Variants in MACROD2 observed in about 807,000 individuals in gnomAD.
MACROD2 encodes ADP-ribose glycohydrolase MACROD2.
A neutral mutation model predicts 70.4 loss-of-function variants in MACROD2; 36 were observed. The observed-to-expected ratio is 0.51, with a 90% CI of 0.39 to 0.68. The LOEUF is 0.68. Ranked by LOEUF, MACROD2 falls within the 30% of genes least tolerant of loss-of-function variation. The pLI is 0.00. For synonymous variants in MACROD2, 172 were observed against 178.8 expected (o/e 0.96, Z 0.30); for missense variants, 496 against 538.4 (o/e 0.92, Z 0.78).
At chr20:15,189,302 A>G (rs993606242) in intron 5 of MACROD2, among the ~76,000 whole-genome samples, 2 of 152,042 alleles carry the variant, frequency 1.3e-5, no homozygotes, top group African/African-American at 4.8e-5. Context: ...AATTCTAGAA[A>G]TACTTATAAG....
At chr20:15,631,024 G>A (rs2049283004) in intron 8 of MACROD2, among the ~76,000 whole-genome samples, 1 of 152,182 alleles carries the variant, frequency 6.6e-6, no homozygotes, top group African/African-American at 2.4e-5. Context: ...AATATTTATA[G>A]GAAGGTCTGC....
intron 4 of MACROD2, among the ~76,000 whole-genome samples, chr20:14,591,799 C>A (rs1051103921): frequency 6.6e-6 from 1 of 152,162 alleles, no homozygotes; most frequent in Non-Finnish European, 1.5e-5. Context: ...TCAAACAAAC[C>A]TTTATTGAAA....
chr20:15,038,254 C>T (rs1251445044), intron 5 of MACROD2, among the ~76,000 whole-genome samples: 2 of 152,076 alleles, frequency 1.3e-5, no homozygotes. Flanking sequence ...GCATTTATAT[C>T]TCTGGATAAT....
At chr20:14,263,448 A>G (rs2082116743) in intron 3 of MACROD2, among the ~76,000 whole-genome samples, 1 of 152,126 alleles carries the variant, frequency 6.6e-6, no homozygotes, top group South Asian at 2.1e-4. Context: ...AGATACCATC[A>G]GAGGCAGAGG....
intron 6 of MACROD2, among the ~76,000 whole-genome samples, chr20:15,306,392 A>G (rs552765073): frequency 2.0e-5 from 3 of 152,342 alleles, no homozygotes; most frequent in Admixed American, 6.5e-5. Context: ...CGCATGCTAA[A>G]TACTTTACAT....
At chr20:14,842,020 T>TTTTGTTTG (rs150296190) in intron 5 of MACROD2, among the ~76,000 whole-genome samples, 20 of 151,652 alleles carry the variant, frequency 1.3e-4, no homozygotes, top group African/African-American at 3.2e-4. Flanking sequence ...AAAAGAGGTT[T>TTTTGTTTG]TTTGTTTGTT....
intron 2 of MACROD2, among the ~76,000 whole-genome samples, chr20:14,042,288 T>C (rs1366080214): frequency 6.6e-6 from 1 of 152,158 alleles, no homozygotes; most frequent in Admixed American, 6.5e-5. Context: ...AAAGGTCACA[T>C]GGATTTTAGG....
At chr20:15,239,518 A>G (rs1387293379) in intron 6 of MACROD2, among the ~76,000 whole-genome samples, 1 of 152,152 alleles carries the variant, frequency 6.6e-6, no homozygotes, top group East Asian at 1.9e-4. Flanking sequence ...GTCTTATCAA[A>G]GTGGTATAGT....
chr20:15,743,834 T>G (rs1415696097), intron 8 of MACROD2, among the ~76,000 whole-genome samples: 1 of 152,232 alleles, frequency 6.6e-6, no homozygotes, highest in East Asian at 1.9e-4. Context: ...TTTCTCATTC[T>G]TTCTAGATTT....
At chr20:14,329,186 G>A (rs2082789786) in intron 3 of MACROD2, 1 of 152,018 alleles carries the variant, frequency 6.6e-6, no homozygotes, top group Admixed American at 6.6e-5. Flanking sequence ...TTTTCAGAAT[G>A]TCTGGTGCAG....
At chr20:14,101,901 G>GT (rs1455517423) in intron 3 of MACROD2, among the ~76,000 whole-genome samples, 3 of 131,360 alleles carry the variant, frequency 2.3e-5, no homozygotes, top group East Asian at 2.4e-4. Flanking sequence ...AACCTTTTGT[G>GT]TTTTTTTCTT....
intron 3 of MACROD2, chr20:14,327,545 G>A (rs577920802): frequency 2.6e-6 from 4 of 1,559,694 alleles, no homozygotes; most frequent in African/African-American, 1.4e-5. Context: ...GGTAGCTTCC[G>A]TTACTTCAGA....
intron 5 of MACROD2, among the ~76,000 whole-genome samples, chr20:14,901,229 T>A (rs1391750923): frequency 6.6e-6 from 1 of 152,062 alleles, no homozygotes; most frequent in Non-Finnish European, 1.5e-5. Context: ...CTTATTATAG[T>A]ACTTAGCATT....
intron 3 of MACROD2, among the ~76,000 whole-genome samples, chr20:14,109,923 A>G (rs1373302832): frequency 6.6e-6 from 1 of 151,928 alleles, no homozygotes; most frequent in East Asian, 1.9e-4. Context: ...AAAAAACACC[A>G]AAAACACAAG....
At chr20:14,757,724 G>A in intron 5 of MACROD2, 1 of 1,522,198 alleles carries the variant, frequency 6.6e-7, no homozygotes, top group South Asian at 1.1e-5. Flanking sequence ...CAAGTCCCGA[G>A]GCTACGTGAA....
intron 10 of MACROD2, among the ~76,000 whole-genome samples, chr20:15,902,880 G>A (rs1284446248): frequency 1.3e-5 from 2 of 152,012 alleles, no homozygotes; most frequent in Non-Finnish European, 2.9e-5. Context: ...AATCAAGCAG[G>A]GGAGGAGCTA....
rs375219300 is a variant in MACROD2, at chr20:15,953,221, G to A, written c.908-14332G>A. Among the ~76,000 whole-genome samples the A allele has an allele frequency of 4.1e-4, 62 of 152,226 alleles. 1 individual carries two copies. The highest frequency in any genetic ancestry group is 6.8e-3 in the Middle Eastern group (2 of 294). On this transcript the variant is annotated intron_variant, in intron 12 of 17. Transcript: ENST00000684519. ...TAGAGGCTGGAAAGGGGAGGGGGAA[G>A]TGGCAGGGATAGAAAGAGATGTGTT...
chr20:14,146,333 C>A (rs536409424), intron 3 of MACROD2, among the ~76,000 whole-genome samples: 2,145 of 151,860 alleles, frequency 0.014, 18 homozygotes, highest in South Asian at 0.029. Flanking sequence ...AAAAAAAAAA[C>A]AAAAAACAAA....
chr20:15,236,418 C>T (rs1478115757), intron 6 of MACROD2, among the ~76,000 whole-genome samples: 2 of 152,184 alleles, frequency 1.3e-5, no homozygotes. Context: ...CTGGTGGCCA[C>T]ACCAGAGAGA....
Sources: gnomAD v4.1 joint callset for allele counts (sites outside exome capture counted in the v4.1 genomes callset) on GRCh38, gnomAD v4.1.1 for gene constraint, MANE v1.5 for transcripts, NCBI Gene and HGNC (gene_info 2026-07-23, HGNC 2026-07-21) for gene names.